Variants in RASSF3 observed in about 807,000 individuals in gnomAD.
The protein encoded by RASSF3 is Ras association domain family member 3, also known as ras association domain-containing protein 3.
A neutral mutation model predicts 19.9 loss-of-function variants in RASSF3; 19 were observed. The observed-to-expected ratio is 0.96, with a 90% CI of 0.67 to 1.40. RASSF3 has a LOEUF of 1.40. Among genes scored for constraint, RASSF3 ranks in the 40% most tolerant of loss-of-function variants. The probability of loss-of-function intolerance (pLI) is 0.00; values close to 1 mark genes in which losing one functional copy is unlikely to be tolerated. For synonymous variants in RASSF3, 110 were observed against 104.2 expected (o/e 1.06, Z -0.34); for missense variants, 306 against 289.8 (o/e 1.06, Z -0.41).
rs77204383 is a variant in RASSF3 at position 64,631,520 on chromosome 12, T to C, written c.111+20777T>C. Among the ~76,000 whole-genome samples the C allele has an allele frequency of 5.5e-4, 83 of 150,854 alleles. No homozygotes were observed. In the East Asian group the frequency reaches 0.015, roughly 27 times the overall value. ...ACAAGGGCGAGGGAAGTGGTAAGGGTGTTGTCATCGTATGTAATGTATGTA... is the reference window on the plus strand; with the variant it reads ...ACAAGGGCGAGGGAAGTGGTAAGGGCGTTGTCATCGTATGTAATGTATGTA... On this transcript the variant is annotated intron_variant, in intron 1 of 4. Transcript: ENST00000542104.
At chr12:64,600,066 T>C (rs1870066782) in intron 2 of RASSF3, among the ~76,000 whole-genome samples, 2 of 147,068 alleles carry the variant, frequency 1.4e-5, no homozygotes, top group African/African-American at 2.5e-5. Flanking sequence ...GAATAGTGCC[T>C]GATACACAGT....
chr12:64,566,828 C>T (rs1381108160), intron 2 of RASSF3, among the ~76,000 whole-genome samples: 1 of 152,130 alleles, frequency 6.6e-6, no homozygotes, highest in Admixed American at 6.6e-5. Flanking sequence ...TCCCTGTCTC[C>T]CCTGAGGGGT....
intron 1 of RASSF3, among the ~76,000 whole-genome samples, chr12:64,682,713 C>T (rs1355863988): frequency 3.9e-5 from 6 of 152,124 alleles, no homozygotes; most frequent in Non-Finnish European, 8.8e-5. Flanking sequence ...GTAGTAGCCC[C>T]TCCTGCTGTA....
intron 1 of RASSF3, among the ~76,000 whole-genome samples, chr12:64,626,504 AAG>A (rs1871000072): frequency 6.6e-6 from 1 of 151,580 alleles, no homozygotes; most frequent in Admixed American, 6.6e-5. Flanking sequence ...AAAAAAAAAA[AAG>A]AAAAAAAAAG....
intron 2 of RASSF3, among the ~76,000 whole-genome samples, chr12:64,580,993 C>CAT (rs71278246): frequency 0.45 from 68,160 of 150,978 alleles, 16,776 homozygotes; most frequent in Non-Finnish European, 0.56. Context: ...CAACCTGTAA[C>CAT]ATATATATAT....
At chr12:64,669,614 T>C (rs1159236536) in intron 1 of RASSF3, among the ~76,000 whole-genome samples, 4 of 152,110 alleles carry the variant, frequency 2.6e-5, no homozygotes, top group African/African-American at 7.2e-5. Flanking sequence ...ATCAGCCTTG[T>C]ACTTTAGCAC....
At chr12:64,583,811 C>T (rs1869744348) in intron 2 of RASSF3, among the ~76,000 whole-genome samples, 1 of 152,190 alleles carries the variant, frequency 6.6e-6, no homozygotes, top group Non-Finnish European at 1.5e-5. Flanking sequence ...GTCCTCCAAT[C>T]ACGTCCACTT....
intron 1 of RASSF3, among the ~76,000 whole-genome samples, chr12:64,661,683 T>G (rs112124473): frequency 1.6e-5 from 2 of 126,648 alleles, no homozygotes; most frequent in Admixed American, 1.5e-4. Flanking sequence ...TTTTCTTTTT[T>G]TTTTTTTTTT....
In RASSF3 at chr12:64,689,791, C is replaced by CT. The variant is rs762822586; in HGVS notation, c.457+1351dup. ...GTTTGTAGCTGCTAATTCGCTAATT[C>CT]TTTTTTTTTTTTTGAGACGGAGTCT... On this transcript the variant is annotated intron_variant, in intron 3 of 4. Transcript: ENST00000542104. Among the ~76,000 whole-genome samples the CT allele has an allele frequency of 1.4e-3, 140 of 96,552 alleles. 14 individuals are homozygous for CT. Among genetic ancestry groups the CT allele is most frequent in the African/African-American group, 4.2e-3 (107 of 25,648 alleles). The allele number at this position is 96,552 out of a possible 152,430, so 63.3% of individuals were successfully genotyped here. A position where few individuals can be genotyped will look rare whatever the true frequency, so the allele number is the denominator to read the frequency against.
chr12:64,546,855 A>G lies in RASSF3; in HGVS notation c.294+5150A>G, dbSNP rs145282598. 3.0e-3 allele frequency among the ~76,000 whole-genome samples: 452 copies of G among 152,340 alleles called. 4 individuals are homozygous for G. Among genetic ancestry groups the G allele is most frequent in the African/African-American group, 0.01 (420 of 41,582 alleles). On this transcript the variant is annotated intron_variant, in intron 2 of 5. Transcript: ENST00000637125. ...AGCGATAAACTTCAGAAAGGTTTCA[A>G]TTTGGTCCTTGAAAAGAACTATTTA... is the stretch of plus-strand genomic sequence containing the variant.
At chr12:64,546,411 C>A (rs964081711), downstream of RASSF3, among the ~76,000 whole-genome samples, 6 of 152,110 alleles carry the variant, frequency 3.9e-5, no homozygotes, top group Non-Finnish European at 7.3e-5. Context: ...ACTGGGACTA[C>A]AGGCGCCTGC....
intron 2 of RASSF3, among the ~76,000 whole-genome samples, chr12:64,551,411 C>T (rs377300997): frequency 6.6e-6 from 1 of 151,970 alleles, no homozygotes; most frequent in East Asian, 1.9e-4. Flanking sequence ...CCTGGCTCTA[C>T]AAAAAATGCC....
chr12:64,576,077 C>T (rs533116718), intron 2 of RASSF3, among the ~76,000 whole-genome samples: 60 of 152,054 alleles, frequency 3.9e-4, no homozygotes, highest in African/African-American at 1.4e-3. Flanking sequence ...TTAGTAGAGA[C>T]AGGGTTTCTC....
chr12:64,635,047 C>G (rs745493856), intron 1 of RASSF3, among the ~76,000 whole-genome samples: 10 of 150,658 alleles, frequency 6.6e-5, no homozygotes, highest in Admixed American at 1.3e-4. Flanking sequence ...CTCACTGCAA[C>G]CTCTGTCACC....
At chr12:64,641,414 A>ACACACACACACACACGCG in intron 1 of RASSF3, among the ~76,000 whole-genome samples, 12 of 142,192 alleles carry the variant, frequency 8.4e-5, no homozygotes, top group African/African-American at 3.4e-4. Context: ...ACACACACAC[A>ACACACACACACACACGCG]CGCGCGCGCG....
chr12:64,518,794 C>T (rs1264026434), intron 1 of RASSF3, among the ~76,000 whole-genome samples: 1 of 152,152 alleles, frequency 6.6e-6, no homozygotes, highest in East Asian at 1.9e-4. Flanking sequence ...GTAATTTTGG[C>T]CTCAGCATAT....
intron 2 of RASSF3, among the ~76,000 whole-genome samples, chr12:64,550,803 G>A (rs191057604): frequency 1.6e-5 from 2 of 121,906 alleles, no homozygotes; most frequent in Non-Finnish European, 3.2e-5. Context: ...CCTGAGAGAG[G>A]GAGAGAGACT....
intron 1 of RASSF3, among the ~76,000 whole-genome samples, chr12:64,637,671 C>T (rs983310066): frequency 2.0e-5 from 3 of 151,284 alleles, no homozygotes; most frequent in African/African-American, 7.3e-5. Flanking sequence ...CTCAAGCGAT[C>T]CACCCACCTC....
intron 1 of RASSF3, among the ~76,000 whole-genome samples, chr12:64,626,219 A>G (rs1183550705): frequency 6.6e-6 from 1 of 152,190 alleles, no homozygotes; most frequent in African/African-American, 2.4e-5. Context: ...TACCTGGCAT[A>G]TAAGTACATG....
Sources: allele counts gnomAD v4.1 joint callset (sites outside exome capture counted in the v4.1 genomes callset), GRCh38; gene constraint gnomAD v4.1.1; transcripts MANE v1.5; gene names NCBI Gene and HGNC (gene_info 2026-07-23, HGNC 2026-07-21).